CNTNAP4: variants seen among roughly 807,000 people sequenced by gnomAD.
The protein encoded by CNTNAP4 is contactin-associated protein-like 4.
In CNTNAP4, 98 loss-of-function variants were observed where a neutral mutation model predicts 148.4. The ratio of observed to expected loss-of-function variants is 0.66; its 90% confidence interval spans 0.56 to 0.78. The LOEUF is 0.78. Among genes scored for constraint, CNTNAP4 ranks in the 30% least tolerant of loss-of-function variants. CNTNAP4 has a pLI of 0.00. For missense variants in CNTNAP4, 1,935 were observed against 1,565.6 expected (o/e 1.24, Z -3.98); for synonymous variants, 730 against 565.1 (o/e 1.29, Z -4.14).
chr16:76,371,753 T>A (rs1430691055), intron 3 of CNTNAP4, among the ~76,000 whole-genome samples: 1 of 152,216 alleles, frequency 6.6e-6, no homozygotes, highest in African/African-American at 2.4e-5. Flanking sequence ...AGCTCCAAGC[T>A]CAGGTGTTTA....
intron 8 of CNTNAP4, among the ~76,000 whole-genome samples, chr16:76,453,804 C>T (rs187550252): frequency 2.6e-3 from 400 of 151,878 alleles, no homozygotes; most frequent in Non-Finnish European, 3.9e-3. Flanking sequence ...AATACGGAAC[C>T]GAGAATTCGA....
At chr16:76,280,541 T>G (rs574367103) in intron 1 of CNTNAP4, among the ~76,000 whole-genome samples, 1 of 152,296 alleles carries the variant, frequency 6.6e-6, no homozygotes. Context: ...CTTATCTGTC[T>G]AAAGATGAAA....
At chr16:76,280,741 G>A (rs547506824) in intron 1 of CNTNAP4, among the ~76,000 whole-genome samples, 1 of 152,210 alleles carries the variant, frequency 6.6e-6, no homozygotes, top group South Asian at 2.1e-4. Flanking sequence ...AAGCTGCACT[G>A]GCTGTTCTTG....
intron 2 of CNTNAP4, among the ~76,000 whole-genome samples, chr16:76,326,917 T>C (rs1963042486): frequency 6.6e-6 from 1 of 152,034 alleles, no homozygotes; most frequent in East Asian, 1.9e-4. Flanking sequence ...ACCTGCACGT[T>C]GTGCACATGT....
Position 76,368,690 on chromosome 16 carries a change from G to A in CNTNAP4, c.390+13179G>A, listed in dbSNP as rs538132859. 4.6e-5 allele frequency among the ~76,000 whole-genome samples: 7 copies of A among 152,202 alleles called. No individual in the cohort carries two copies. The South Asian group carries it at 1.0e-3, about 23-fold the overall frequency. ...CCTGTTGTGGGGTAAGGGGCAAGGGGAGGGATAGCATTAGGAGAAATACCT... is the reference window on the plus strand; with the variant it reads ...CCTGTTGTGGGGTAAGGGGCAAGGGAAGGGATAGCATTAGGAGAAATACCT... On this transcript the variant is annotated intron_variant, in intron 3 of 23. Coordinates refer to ENST00000611870, the MANE Select transcript of CNTNAP4 (RefSeq NM_033401.5).
intron 3 of CNTNAP4, among the ~76,000 whole-genome samples, chr16:76,393,611 C>T (rs2078100530): frequency 6.6e-6 from 1 of 151,764 alleles, no homozygotes; most frequent in Non-Finnish European, 1.5e-5. Flanking sequence ...CCCTAACTGC[C>T]TGTGGGATGA....
At position 76,467,489 on chromosome 16, in the gene CNTNAP4, G is replaced by A. The variant is rs1471840961; in HGVS notation, c.1621G>A (p.Asp541Asn). 5 of 1,613,806 alleles carry A rather than the reference G, an allele frequency of 3.1e-6. No homozygotes were observed. The East Asian group carries it at 1.1e-4, about 36-fold the overall frequency. ...GCAGGGGTCCCTTGGGAACTTCAGT[G>A]ACCTTCAGATAGACTCATGTGGCAT... ...VQQGSLGNFSDLQIDSCGISD... is the reference protein window; with the variant it reads ...VQQGSLGNFSNLQIDSCGISD... Residue 541 changes from aspartate (D) to asparagine (N), a missense_variant, in exon 10 of 24, where the codon GAC becomes AAC. Coordinates refer to ENST00000611870, the MANE Select transcript of CNTNAP4 (RefSeq NM_033401.5).
chr16:76,508,899 A>C (rs532967044), intron 15 of CNTNAP4, among the ~76,000 whole-genome samples: 989 of 93,702 alleles, frequency 0.011, 139 homozygotes, highest in African/African-American at 0.025. Flanking sequence ...ACTACAGGCA[A>C]CCACCACCAC....
chr16:76,389,672 G>T (rs1386995055), intron 3 of CNTNAP4, among the ~76,000 whole-genome samples: 2 of 151,826 alleles, frequency 1.3e-5, no homozygotes, highest in Non-Finnish European at 2.9e-5. Flanking sequence ...ATGTTGTCCA[G>T]GCTGGTCTTG....
chr16:76,332,593 C>T (rs540705988), intron 2 of CNTNAP4, among the ~76,000 whole-genome samples: 2 of 152,122 alleles, frequency 1.3e-5, no homozygotes, highest in African/African-American at 4.8e-5. Flanking sequence ...AATCAACTGA[C>T]ATAACATTAT....
intron 3 of CNTNAP4, among the ~76,000 whole-genome samples, chr16:76,370,771 A>AT (rs2014718153): frequency 6.6e-6 from 1 of 152,190 alleles, no homozygotes; most frequent in Non-Finnish European, 1.5e-5. Flanking sequence ...TTACTGAGTG[A>AT]TTCCTCATTC....
chr16:76,342,989 T>G (rs1453527858), intron 2 of CNTNAP4, among the ~76,000 whole-genome samples: 2 of 152,228 alleles, frequency 1.3e-5, no homozygotes, highest in African/African-American at 4.8e-5. Flanking sequence ...ATGCCGTGTT[T>G]CAGCTGCCAC....
chr16:76,399,713 AAAG>A (rs1240541119), intron 3 of CNTNAP4, among the ~76,000 whole-genome samples: 2 of 152,206 alleles, frequency 1.3e-5, no homozygotes, highest in Non-Finnish European at 2.9e-5. Flanking sequence ...TAGAAGTTAA[AAAG>A]AAATCTATAA....
In CNTNAP4 at chr16:76,479,425, A is replaced by G. The variant is rs745473845; in HGVS notation, c.1769A>G (p.Tyr590Cys). Residue 590 changes from tyrosine to cysteine, a missense_variant, in exon 12 of 24, where the codon TAT becomes TGT. Tyr to Cys is a radical substitution (Grantham distance 194). Transcript: ENST00000611870. ...ATGATTTTTTTTCTTAAAGCTATCTATGAGCAGTCATGTGAAGCCTATAAG... is the reference window on the plus strand; with the variant it reads ...ATGATTTTTTTTCTTAAAGCTATCTGTGAGCAGTCATGTGAAGCCTATAAG... ...YRGATCHNSI[Y>C]EQSCEAYKHR... The G allele has an allele frequency of 6.3e-7, 1 of 1,594,556 alleles. No individual in the cohort carries two copies. The highest frequency in any genetic ancestry group is 8.5e-7 in the Non-Finnish European group (1 of 1,171,542).
chr16:76,310,804 T>C (rs1597149827), intron 1 of CNTNAP4, among the ~76,000 whole-genome samples: 1 of 152,182 alleles, frequency 6.6e-6, no homozygotes, highest in Non-Finnish European at 1.5e-5. Context: ...CTATTTTTTT[T>C]TTTTGAAAAG....
intron 1 of CNTNAP4, among the ~76,000 whole-genome samples, chr16:76,301,468 T>G (rs180836316): frequency 3.3e-5 from 5 of 152,194 alleles, no homozygotes; most frequent in Non-Finnish European, 7.3e-5. Flanking sequence ...CAAGGCATGG[T>G]ACATAACATC....
intron 2 of CNTNAP4, among the ~76,000 whole-genome samples, chr16:76,338,422 G>A (rs976612912): frequency 6.6e-6 from 1 of 152,052 alleles, no homozygotes; most frequent in Non-Finnish European, 1.5e-5. Flanking sequence ...AATTACTGCT[G>A]TGCTGAAAGA....
At chr16:76,493,982 G>A (rs774006569) in intron 13 of CNTNAP4, among the ~76,000 whole-genome samples, 1 of 152,130 alleles carries the variant, frequency 6.6e-6, no homozygotes, top group African/African-American at 2.4e-5. Flanking sequence ...TTTGAAAGTC[G>A]ACAGAAAAAT....
In CNTNAP4 at chr16:76,291,612, G is replaced by C. The variant is rs540529697; in HGVS notation, c.85+13865G>C. Among the ~76,000 whole-genome samples the C allele has an allele frequency of 2.0e-5, 3 of 152,262 alleles. No individual in the cohort carries two copies. The South Asian group carries it at 6.2e-4, about 32-fold the overall frequency. On this transcript the variant is annotated intron_variant, in intron 1 of 23. Coordinates refer to ENST00000611870, the MANE Select transcript of CNTNAP4 (RefSeq NM_033401.5). ...TTCTCAAAAGTTGATTGTACAGTTT[G>C]TTTTATCTGGCACTTTCCCACTTCG...
Sources: allele counts gnomAD v4.1 joint callset (sites outside exome capture counted in the v4.1 genomes callset), GRCh38; gene constraint gnomAD v4.1.1; transcripts MANE v1.5; gene names NCBI Gene and HGNC (gene_info 2026-07-23, HGNC 2026-07-21).